The following HS3ST2 variants were observed in gnomAD, a reference collection of about 807,000 sequenced individuals.
HS3ST2 encodes heparan sulfate-glucosamine 3-sulfotransferase 2.
Under a neutral mutation model 26.3 loss-of-function variants are expected in HS3ST2, and 17 were observed. The observed-to-expected ratio is 0.65, with a 90% CI of 0.44 to 0.97. The LOEUF (loss-of-function observed/expected upper bound fraction) is 0.97, where lower values mean the gene tolerates loss of function less well. HS3ST2 is among the 50% of genes least tolerant of loss of function. The pLI, the probability that HS3ST2 is intolerant of heterozygous loss-of-function variation, is 0.00. For missense variants in HS3ST2, 402 were observed against 501.2 expected (o/e 0.80, Z 1.89); for synonymous variants, 237 against 219.2 (o/e 1.08, Z -0.72).
chr16:22,816,465 C>T (rs1900870941), intron 1 of HS3ST2, among the ~76,000 whole-genome samples: 1 of 152,324 alleles, frequency 6.6e-6, no homozygotes, highest in Non-Finnish European at 1.5e-5. Flanking sequence ...TCCTGGCTCG[C>T]AATGGTTGTA....
chr16:22,871,083 C>A (rs908935889), intron 1 of HS3ST2, among the ~76,000 whole-genome samples: 1 of 152,092 alleles, frequency 6.6e-6, no homozygotes, highest in Admixed American at 6.6e-5. Flanking sequence ...GTGGGCCGGG[C>A]GCAGTGGCTC....
At chr16:22,824,994 GGAGA>G (rs144713222) in intron 1 of HS3ST2, among the ~76,000 whole-genome samples, 3 of 151,290 alleles carry the variant, frequency 2.0e-5, no homozygotes, top group South Asian at 2.1e-4. Context: ...AGATCTTATT[GGAGA>G]GAGAGAGAGA....
chr16:22,889,863 T>C (rs547270127), intron 1 of HS3ST2, among the ~76,000 whole-genome samples: 5 of 152,208 alleles, frequency 3.3e-5, no homozygotes, highest in Non-Finnish European at 1.5e-5. Flanking sequence ...AGTTTGGGAA[T>C]TGCCTATAAA....
intron 1 of HS3ST2, among the ~76,000 whole-genome samples, chr16:22,885,979 T>A (rs1254144636): frequency 6.6e-6 from 1 of 152,164 alleles, no homozygotes; most frequent in Non-Finnish European, 1.5e-5. Context: ...CTGGCTCATG[T>A]GTGGAAGCCC....
intron 1 of HS3ST2, among the ~76,000 whole-genome samples, chr16:22,905,714 C>T (rs1902342890): frequency 6.6e-6 from 1 of 152,150 alleles, no homozygotes; most frequent in Admixed American, 6.5e-5. Flanking sequence ...TTACCATCTA[C>T]CGTGGGATGG....
chr16:22,858,256 A>C (rs536200919), intron 1 of HS3ST2, among the ~76,000 whole-genome samples: 1 of 151,800 alleles, frequency 6.6e-6, no homozygotes, highest in African/African-American at 2.4e-5. Flanking sequence ...ATTTACCTTG[A>C]TGTGATTATT....
In HS3ST2 at chr16:22,906,360, A is replaced by G. The variant is rs1383958766; in HGVS notation, c.486-8584A>G. Among the ~76,000 whole-genome samples the G allele has an allele frequency of 1.5e-4, 3 of 20,328 alleles. No homozygotes were observed. The East Asian group carries it at 0.016, about 107-fold the overall frequency. The allele number at this position is 20,328 out of a possible 152,430, so 13.3% of individuals were successfully genotyped here. On this transcript the variant is annotated intron_variant, in intron 1 of 1. Transcript: ENST00000261374. ...CACTCCAGCCTGGCGACAGAGCGAG[A>G]CTCCATCTAAATAAATAAATAAATA...
intron 1 of HS3ST2, among the ~76,000 whole-genome samples, chr16:22,861,839 C>T (rs1398148899): frequency 2.6e-5 from 4 of 152,166 alleles, no homozygotes; most frequent in Non-Finnish European, 5.9e-5. Context: ...TGCTGAGCCG[C>T]TTCCCTGCCT....
At chr16:22,844,956 G>A (rs148351978) in intron 1 of HS3ST2, among the ~76,000 whole-genome samples, 35 of 151,598 alleles carry the variant, frequency 2.3e-4, no homozygotes, top group Admixed American at 3.9e-4. Context: ...CCAGGTTCAC[G>A]CCATTCTCTT....
chr16:22,863,030 G>A (rs1012304940), intron 1 of HS3ST2, among the ~76,000 whole-genome samples: 9 of 152,188 alleles, frequency 5.9e-5, no homozygotes, highest in East Asian at 1.9e-4. Context: ...TTCCTCAGCC[G>A]ACTACAGACA....
intron 1 of HS3ST2, among the ~76,000 whole-genome samples, chr16:22,881,879 TG>T (rs1269692232): frequency 6.6e-6 from 1 of 152,170 alleles, no homozygotes; most frequent in African/African-American, 2.4e-5. Context: ...AATAGGCCAG[TG>T]GCTGAGGCAT....
intron 1 of HS3ST2, among the ~76,000 whole-genome samples, chr16:22,845,145 C>T (rs972097126): frequency 6.8e-6 from 1 of 147,568 alleles, no homozygotes; most frequent in Admixed American, 6.6e-5. Context: ...TGAGCCACTG[C>T]GCCTGGCCTA....
chr16:22,829,750 A>G (rs1360385897), intron 1 of HS3ST2, among the ~76,000 whole-genome samples: 1 of 152,146 alleles, frequency 6.6e-6, no homozygotes, highest in Non-Finnish European at 1.5e-5. Flanking sequence ...CCTATATAAG[A>G]TAAGGATATG....
intron 1 of HS3ST2, among the ~76,000 whole-genome samples, chr16:22,870,236 G>T (rs1439187556): frequency 6.6e-6 from 1 of 151,992 alleles, no homozygotes; most frequent in Non-Finnish European, 1.5e-5. Context: ...TGGTGTTCTG[G>T]ACCCCCTGAA....
At chr16:22,848,949 G>A (rs1315459260) in intron 1 of HS3ST2, among the ~76,000 whole-genome samples, 1 of 152,158 alleles carries the variant, frequency 6.6e-6, no homozygotes, top group East Asian at 1.9e-4. Context: ...ATAAAATCTT[G>A]CATTCAATGT....
Position 22,879,561 on chromosome 16 carries a change from C to T in HS3ST2, c.486-35383C>T, listed in dbSNP as rs186248893. Among the ~76,000 whole-genome samples, 368 of 152,290 alleles carry T rather than the reference C, an allele frequency of 2.4e-3. 2 individuals carry two copies. The highest frequency in any genetic ancestry group is 8.0e-3 in the African/African-American group (331 of 41,560). On this transcript the variant is annotated intron_variant, in intron 1 of 1. Transcript: ENST00000261374. ...CACCTCAGGGATCGGACACTGAGTG[C>T]ACGTGACCCGAGTGAGCTGGCCCCA...
rs1480334818 is a variant in HS3ST2, at chr16:22,886,582, A to C, written c.486-28362A>C. 2.6e-5 allele frequency among the ~76,000 whole-genome samples: 4 copies of C among 152,274 alleles called. No individual in the cohort carries two copies. The South Asian group carries it at 8.3e-4, about 32-fold the overall frequency. On this transcript the variant is annotated intron_variant, in intron 1 of 1. Transcript: ENST00000261374. ...ACCCTTGGCCAGAAAACAACTTAGC[A>C]CAACTCTAAGTAGCGGGCCTGACAT...
chr16:22,840,564 A>C lies in HS3ST2; in HGVS notation c.485+25469A>C, dbSNP rs557424432. ...CGCCTGGCTAATTTTTTTTACTTTT[A>C]GTAGTGACAGGGTTTTGCCATGTTG... is the stretch of plus-strand genomic sequence containing the variant. On this transcript the variant is annotated intron_variant, in intron 1 of 1. Transcript: ENST00000261374. Among the ~76,000 whole-genome samples the C allele has an allele frequency of 8.9e-4, 135 of 152,044 alleles. 1 individual carries two copies. The highest frequency in any genetic ancestry group is 3.2e-3 in the African/African-American group (133 of 41,482).
chr16:22,822,249 T>C (rs968702225), intron 1 of HS3ST2, among the ~76,000 whole-genome samples: 36 of 152,178 alleles, frequency 2.4e-4, no homozygotes, highest in African/African-American at 8.4e-4. Flanking sequence ...CACTGCAGTC[T>C]CAACCTCCCA....
Sources: allele counts gnomAD v4.1 joint callset (sites outside exome capture counted in the v4.1 genomes callset), GRCh38; gene constraint gnomAD v4.1.1; transcripts MANE v1.5; gene names NCBI Gene and HGNC (gene_info 2026-07-23, HGNC 2026-07-21).